Variants in MTHFD1L observed in about 807,000 individuals in gnomAD.
The protein encoded by MTHFD1L is methylenetetrahydrofolate dehydrogenase (NADP+ dependent) 1 like.
A neutral mutation model predicts 119.5 loss-of-function variants in MTHFD1L; 81 were observed. The observed-to-expected ratio is 0.68, with a 90% confidence interval of 0.57 to 0.82. The LOEUF is 0.82. Among genes scored for constraint, MTHFD1L ranks in the 40% least tolerant of loss-of-function variants. The pLI, the probability that MTHFD1L is intolerant of heterozygous loss-of-function variation, is 0.00. For synonymous variants in MTHFD1L, 430 were observed against 475.2 expected, an observed-to-expected ratio of 0.90 and a Z score of 1.24; for missense variants, 1,125 against 1,253.4, an observed-to-expected ratio of 0.90 and a Z score of 1.55.
intron 11 of MTHFD1L, chr6:150,935,278 T>C (rs1791861992): frequency 2.5e-6 from 4 of 1,611,776 alleles, no homozygotes; most frequent in Non-Finnish European, 3.4e-6. Context: ...ACTCTGTTGA[T>C]GTCGAAAGGA....
At chr6:150,921,105 C>T (rs1352310731) in intron 9 of MTHFD1L, among the ~76,000 whole-genome samples, 2 of 126,380 alleles carry the variant, frequency 1.6e-5, no homozygotes, top group Non-Finnish European at 3.3e-5. Context: ...GCACATGCCA[C>T]CACCACGCCC....
chr6:150,945,571 A>T (rs756381249), intron 15 of MTHFD1L, 30 bp downstream of exon 15: 9 of 1,595,448 alleles, frequency 5.6e-6, no homozygotes, highest in Non-Finnish European at 7.7e-6. Context: ...TTCTTTAAAA[A>T]GAAAATATCG....
At chr6:150,988,823 C>A (rs952444803) in intron 20 of MTHFD1L, among the ~76,000 whole-genome samples, 16 of 147,050 alleles carry the variant, frequency 1.1e-4, no homozygotes, top group Admixed American at 9.4e-4. Context: ...TCAGGCTGGT[C>A]TCGAACTCCT....
At chr6:151,065,612 C>G (rs1467526573) in intron 26 of MTHFD1L, among the ~76,000 whole-genome samples, 1 of 152,240 alleles carries the variant, frequency 6.6e-6, no homozygotes, top group Non-Finnish European at 1.5e-5. Context: ...GCTTCATACT[C>G]AAAACTCCCT....
At chr6:151,019,155 A>G (rs1462156347) in intron 24 of MTHFD1L, among the ~76,000 whole-genome samples, 1 of 151,440 alleles carries the variant, frequency 6.6e-6, no homozygotes, top group African/African-American at 2.4e-5. Flanking sequence ...GGCACATGCC[A>G]GAGCCTTTCT....
intron 26 of MTHFD1L, among the ~76,000 whole-genome samples, chr6:151,084,970 G>T (rs1352706533): frequency 8.3e-6 from 1 of 120,186 alleles, no homozygotes; most frequent in South Asian, 2.6e-4. Flanking sequence ...CCATCTCAAA[G>T]AAAAAAAAAA....
chr6:151,100,210 A>AT (rs1003989398), intron 27 of MTHFD1L, among the ~76,000 whole-genome samples: 2 of 151,482 alleles, frequency 1.3e-5, no homozygotes, highest in Non-Finnish European at 2.9e-5. Context: ...ATTTTTTTGT[A>AT]TTTTTTTAAT....
chr6:150,916,188 A>C (rs1787824763), intron 8 of MTHFD1L, among the ~76,000 whole-genome samples: 2 of 151,370 alleles, frequency 1.3e-5, no homozygotes, highest in Admixed American at 1.3e-4. Flanking sequence ...AAATGTTGCT[A>C]TTAGAAATAT....
At chr6:150,952,498 C>A (rs1374961975) in intron 16 of MTHFD1L, among the ~76,000 whole-genome samples, 1 of 152,076 alleles carries the variant, frequency 6.6e-6, no homozygotes, top group African/African-American at 2.4e-5. Flanking sequence ...AATGACCACC[C>A]CTTCCTTTCA....
chr6:150,869,002 A>G (rs1778933623), intron 1 of MTHFD1L, among the ~76,000 whole-genome samples: 1 of 152,178 alleles, frequency 6.6e-6, no homozygotes, highest in Non-Finnish European at 1.5e-5. Context: ...TCAAGGCTAC[A>G]GTGAGCGGAG....
At chr6:150,871,519 T>G (rs9478842) in intron 1 of MTHFD1L, among the ~76,000 whole-genome samples, 21,936 of 130,558 alleles carry the variant, frequency 0.17, 1,398 homozygotes, top group East Asian at 0.35. Flanking sequence ...TTTTTTTTTT[T>G]GAGATGGAAT....
chr6:151,049,723 G>T (rs1788720442), intron 26 of MTHFD1L, among the ~76,000 whole-genome samples: 1 of 151,780 alleles, frequency 6.6e-6, no homozygotes, highest in African/African-American at 2.4e-5. Context: ...TAAGTTCCTA[G>T]GATGGCTCAC....
At chr6:150,912,415 T>A (rs1787073160) in intron 8 of MTHFD1L, among the ~76,000 whole-genome samples, 3 of 152,172 alleles carry the variant, frequency 2.0e-5, no homozygotes, top group Admixed American at 1.3e-4. Flanking sequence ...GAGAAAATAT[T>A]TAAGTCTGTG....
intron 27 of MTHFD1L, among the ~76,000 whole-genome samples, chr6:151,100,783 C>T (rs939778344): frequency 6.6e-6 from 1 of 151,884 alleles, no homozygotes; most frequent in Non-Finnish European, 1.5e-5. Flanking sequence ...TCCATGTTGT[C>T]CTAAATGCAT....
intron 8 of MTHFD1L, among the ~76,000 whole-genome samples, chr6:150,906,223 C>G (rs191603612): frequency 2.6e-5 from 4 of 152,316 alleles, no homozygotes; most frequent in African/African-American, 9.6e-5. Flanking sequence ...ACCCATGAAG[C>G]ACATCCTTGG....
At chr6:151,055,961 G>A (rs1336225769) in intron 26 of MTHFD1L, 2 of 152,106 alleles carry the variant, frequency 1.3e-5, no homozygotes, top group African/African-American at 4.8e-5. Context: ...ATTCCACATA[G>A]CCTTTAAAAG....
At chr6:150,999,196 A>G (rs546255368) in intron 20 of MTHFD1L, among the ~76,000 whole-genome samples, 178 of 152,290 alleles carry the variant, frequency 1.2e-3, no homozygotes, top group Non-Finnish European at 2.1e-3. Context: ...TGCATTTTCC[A>G]TGTTGCATTT....
At chr6:151,098,186 A>C (rs1387195413) in intron 27 of MTHFD1L, among the ~76,000 whole-genome samples, 2 of 152,096 alleles carry the variant, frequency 1.3e-5, no homozygotes, top group African/African-American at 2.4e-5. Context: ...AAATATATAT[A>C]ATGTATCAAT....
At chr6:151,010,524 G>C (rs929473485) in intron 21 of MTHFD1L, among the ~76,000 whole-genome samples, 3 of 152,234 alleles carry the variant, frequency 2.0e-5, no homozygotes, top group Non-Finnish European at 4.4e-5. Flanking sequence ...TTGTTTCTAA[G>C]AGCTTTGCTT....
Sources: gnomAD v4.1 joint callset for allele counts (sites outside exome capture counted in the v4.1 genomes callset) on GRCh38, gnomAD v4.1.1 for gene constraint, MANE v1.5 for transcripts, NCBI Gene and HGNC (gene_info 2026-07-23, HGNC 2026-07-21) for gene names.